The following EIF4A2 variants were observed in gnomAD, a reference collection of about 807,000 sequenced individuals.
The protein encoded by EIF4A2 is eukaryotic initiation factor 4A-II.
EIF4A2 carries 9 observed loss-of-function variants against 50.6 expected under a neutral mutation model. The ratio of observed to expected loss-of-function variants is 0.18; its 90% CI spans 0.11 to 0.31. The LOEUF (loss-of-function observed/expected upper bound fraction) is 0.31, where lower values mean the gene tolerates loss of function less well. Among genes scored for constraint, EIF4A2 ranks in the 10% least tolerant of loss-of-function variants. EIF4A2 has a pLI of 1.00. For synonymous variants in EIF4A2, 215 were observed against 164.4 expected (o/e 1.31, Z -2.35); for missense variants, 182 against 501.8 (o/e 0.36, Z 6.09).
intron 3 of EIF4A2, 49 bp downstream of exon 3, chr3:186,784,745 C>A: frequency 6.2e-7 from 1 of 1,610,588 alleles, no homozygotes; most frequent in South Asian, 1.1e-5. Flanking sequence ...AGACATGAAC[C>A]ATAAAAGGGA....
chr3:186,783,809 G>A, intron 1 of EIF4A2, 170 bp downstream of exon 1: 1 of 1,066,344 alleles, frequency 9.4e-7, no homozygotes, highest in Admixed American at 2.3e-5. Flanking sequence ...CCGGATTGTG[G>A]GGAGATAGGA....
chr3:186,788,305 T>C, intron 10 of EIF4A2: 2 of 1,291,156 alleles, frequency 1.5e-6, no homozygotes, highest in Non-Finnish European at 1.0e-6. Flanking sequence ...TTTTAAAAAA[T>C]ACAGGAGTCG....
At chr3:186,783,926 AGCC>A in intron 1 of EIF4A2, 1 of 508,514 alleles carries the variant, frequency 2.0e-6, no homozygotes, top group Non-Finnish European at 3.5e-6. Context: ...TGGAGTAAAA[AGCC>A]GTGGCGCAGT....
intron 10 of EIF4A2, chr3:186,788,501 T>C (rs1721907571): frequency 9.0e-7 from 1 of 1,116,030 alleles, no homozygotes; most frequent in Non-Finnish European, 1.1e-6. Context: ...GTATTAGTAT[T>C]TCTATTAGGG....
At chr3:186,788,088 GT>G (rs1191032265) in intron 10 of EIF4A2, 12 of 711,302 alleles carry the variant, frequency 1.7e-5, no homozygotes, top group Middle Eastern at 7.9e-4. Context: ...TGGACATAGG[GT>G]TTTTTTCCAC....
At chr3:186,788,274 TATATG>T in intron 10 of EIF4A2, 1 of 1,286,986 alleles carries the variant, frequency 7.8e-7, no homozygotes, top group Non-Finnish European at 1.0e-6. Flanking sequence ...TGTACTTTGT[TATATG>T]ATGTAAAAAA....
intron 1 of EIF4A2, 62 bp from the exon 2 acceptor site, chr3:186,784,369 GC>G: frequency 1.2e-6 from 2 of 1,613,122 alleles, no homozygotes; most frequent in Non-Finnish European, 1.7e-6. Flanking sequence ...AAAGGGCTAT[GC>G]GCTTAAGGTG....
At chr3:186,787,953 T>C in intron 10 of EIF4A2, 71 bp downstream of exon 10, 2 of 1,485,424 alleles carry the variant, frequency 1.3e-6, no homozygotes, top group Non-Finnish European at 1.9e-6. Context: ...GTATGAAAGG[T>C]AACATCAAAT....
chr3:186,788,907 T>C (rs981240533), intron 10 of EIF4A2: 6 of 538,586 alleles, frequency 1.1e-5, no homozygotes, highest in Admixed American at 3.8e-5. Context: ...CTGATAAAAA[T>C]CTCATTTTGC....
chr3:186,783,607 G>A lies in EIF4A2; in HGVS notation c.-4G>A, dbSNP rs757785640. On this transcript the variant is annotated 5_prime_UTR_variant, in exon 1 of 11. Coordinates refer to ENST00000323963, the MANE Select transcript of EIF4A2 (RefSeq NM_001967.4). ...CAGTCGGGCGCTGAGTGGTTTTTCGGATCATGTCTGGTGGCTCCGCGGATT... is the reference window on the plus strand; with the variant it reads ...CAGTCGGGCGCTGAGTGGTTTTTCGAATCATGTCTGGTGGCTCCGCGGATT... 8.7e-6 allele frequency: 14 copies of A among 1,614,038 alleles called. No individual in the cohort carries two copies. The highest frequency in any genetic ancestry group is 2.7e-5 in the African/African-American group (2 of 74,906).
chr3:186,784,104 G>C, intron 1 of EIF4A2: 1 of 481,626 alleles, frequency 2.1e-6, no homozygotes, highest in Non-Finnish European at 3.8e-6. Context: ...TGAACCGTTG[G>C]CATCGCCCTC....
intron 10 of EIF4A2, chr3:186,788,453 AT>A: frequency 8.1e-7 from 1 of 1,229,930 alleles, no homozygotes; most frequent in East Asian, 5.8e-5. Flanking sequence ...TGTCATGATT[AT>A]TTGATTTTTA....
At chr3:186,784,364 G>C in intron 1 of EIF4A2, 68 bp from the exon 2 acceptor site, 1 of 1,611,918 alleles carries the variant, frequency 6.2e-7, no homozygotes, top group Non-Finnish European at 8.5e-7. Flanking sequence ...GTTGCAAAGG[G>C]CTATGCGCTT....
At chr3:186,784,033 T>C (rs538607308) in intron 1 of EIF4A2, 11 of 415,002 alleles carry the variant, frequency 2.7e-5, no homozygotes, top group African/African-American at 2.2e-4. Flanking sequence ...TGGGGAAGGG[T>C]TGGAGGCAGC....
In EIF4A2 at chr3:186,789,853, CTTAA is replaced by C; in HGVS notation, c.*586_*589del. The stretch of plus-strand genomic sequence containing the variant: ...AGTAAAATTGCCATATTGCACATGT[CTTAA>C]TGAAGTTTGAATGTTAAATAAATTG... On this transcript the variant is annotated 3_prime_UTR_variant, in exon 11 of 11. Coordinates refer to ENST00000323963, the MANE Select transcript of EIF4A2 (RefSeq NM_001967.4). 1 of 735,398 alleles carries C rather than the reference CTTAA, an allele frequency of 1.4e-6. No homozygotes were observed. Among genetic ancestry groups the C allele is most frequent in the East Asian group, 2.7e-5 (1 of 37,016 alleles). 45.6% of individuals were successfully genotyped at this position (735,398 alleles called of 1,614,324 possible). A position where few individuals can be genotyped will look rare whatever the true frequency, so the allele number is the denominator to read the frequency against.
chr3:186,789,319 G>A lies in EIF4A2; in HGVS notation c.*50G>A, dbSNP rs1218093303. On this transcript the variant is annotated 3_prime_UTR_variant, in exon 11 of 11. Coordinates refer to ENST00000323963, the MANE Select transcript of EIF4A2 (RefSeq NM_001967.4). Reference sequence around the variant, plus strand: ...CAGTGCTCGCTGTTGCTGAATAGGCGATCACAACGTGCATTGTGCTTCTTT... The same window carrying A: ...CAGTGCTCGCTGTTGCTGAATAGGCAATCACAACGTGCATTGTGCTTCTTT... 1.9e-6 allele frequency: 3 copies of A among 1,568,024 alleles called. No homozygotes were observed. The highest frequency in any genetic ancestry group is 1.2e-5 in the South Asian group (1 of 84,774).
At chr3:186,786,776 C>T in intron 7 of EIF4A2, 131 bp downstream of exon 7, 1 of 1,273,926 alleles carries the variant, frequency 7.8e-7, no homozygotes, top group South Asian at 1.2e-5. Context: ...AAAGTAACAG[C>T]ACTAGATTGT....
chr3:186,786,898 T>C (rs1247566118), intron 7 of EIF4A2: 2 of 882,936 alleles, frequency 2.3e-6, no homozygotes, highest in Non-Finnish European at 3.7e-6. Context: ...TTTCTACGTT[T>C]TGAGACTGGG....
intron 7 of EIF4A2, 154 bp from the exon 8 acceptor site, chr3:186,786,971 GAA>G: frequency 8.5e-7 from 1 of 1,178,878 alleles, no homozygotes; most frequent in Non-Finnish European, 1.2e-6. Context: ...TCACTTTCTT[GAA>G]ACCCTGGTCT....
Sources: gnomAD v4.1 joint callset for allele counts on GRCh38, gnomAD v4.1.1 for gene constraint, MANE v1.5 for transcripts, NCBI Gene and HGNC (gene_info 2026-07-23, HGNC 2026-07-21) for gene names.